The following MARCHF1 variants were observed in gnomAD, a reference collection of about 807,000 sequenced individuals.
The protein encoded by MARCHF1 is E3 ubiquitin-protein ligase MARCHF1.
Under a neutral mutation model 54.2 loss-of-function variants are expected in MARCHF1, and 40 were observed. The observed-to-expected ratio is 0.74, with a 90% CI of 0.57 to 0.96. MARCHF1 has a LOEUF of 0.96. MARCHF1 is among the 40% of genes least tolerant of loss of function. The pLI is 0.00. For missense variants in MARCHF1, 586 were observed against 656.5 expected, an observed-to-expected ratio of 0.89 and a Z score of 1.17; for synonymous variants, 236 against 236.3, an observed-to-expected ratio of 1.00 and a Z score of 0.01.
intron 8 of MARCHF1, among the ~76,000 whole-genome samples, chr4:163,574,954 A>G (rs1739986084): frequency 6.6e-6 from 1 of 151,834 alleles, no homozygotes; most frequent in South Asian, 2.1e-4. Context: ...TGAGCATGGA[A>G]TGTTCTTCCA....
chr4:164,180,508 T>C (rs1730805369), intron 1 of MARCHF1, among the ~76,000 whole-genome samples: 1 of 148,610 alleles, frequency 6.7e-6, no homozygotes, highest in African/African-American at 2.6e-5. Flanking sequence ...AGCTTGGTAA[T>C]GATAAAATAT....
At chr4:163,984,591 A>C (rs1752825627) in intron 3 of MARCHF1, among the ~76,000 whole-genome samples, 2 of 152,182 alleles carry the variant, frequency 1.3e-5, no homozygotes, top group Admixed American at 1.3e-4. Context: ...AGTATAAGGA[A>C]TATGTGCTAG....
chr4:163,892,702 C>T (rs1015686379), intron 3 of MARCHF1, among the ~76,000 whole-genome samples: 3 of 151,286 alleles, frequency 2.0e-5, no homozygotes, highest in African/African-American at 4.9e-5. Flanking sequence ...TTTATGTTTG[C>T]CATAAGGGAG....
intron 7 of MARCHF1, among the ~76,000 whole-genome samples, chr4:163,601,401 CTT>C (rs35012983): frequency 0.33 from 49,204 of 149,456 alleles, 8,563 homozygotes; most frequent in Middle Eastern, 0.41. Flanking sequence ...GAAAGTGTTG[CTT>C]TTTTTTTTTT....
intron 7 of MARCHF1, among the ~76,000 whole-genome samples, chr4:163,609,589 T>G (rs1741256205): frequency 6.6e-6 from 1 of 150,410 alleles, no homozygotes; most frequent in Admixed American, 6.7e-5. Context: ...AAGCCTATTT[T>G]ATTTAGAAAA....
chr4:163,593,045 T>G (rs1332028729), intron 7 of MARCHF1, among the ~76,000 whole-genome samples: 1 of 152,130 alleles, frequency 6.6e-6, no homozygotes, highest in Non-Finnish European at 1.5e-5. Context: ...TACTGCCCTC[T>G]CTATACTCAT....
intron 2 of MARCHF1, among the ~76,000 whole-genome samples, chr4:163,997,888 A>G (rs1330772299): frequency 6.6e-6 from 1 of 151,266 alleles, no homozygotes; most frequent in East Asian, 1.9e-4. Flanking sequence ...TTTCCATTAC[A>G]CATTTGTTAT....
intron 1 of MARCHF1, chr4:164,197,113 C>T (rs1251578691): frequency 1.2e-6 from 2 of 1,606,464 alleles, no homozygotes; most frequent in African/African-American, 1.3e-5. Context: ...GTCCCCTCCA[C>T]TCACGTCCTC....
At chr4:163,738,660 A>T (rs1257995709) in intron 4 of MARCHF1, among the ~76,000 whole-genome samples, 2 of 152,230 alleles carry the variant, frequency 1.3e-5, no homozygotes, top group African/African-American at 2.4e-5. Context: ...GGTGATTAAC[A>T]TGTTCCCAAA....
At chr4:163,635,028 A>G (rs1199648911) in intron 5 of MARCHF1, among the ~76,000 whole-genome samples, 1 of 77,174 alleles carries the variant, frequency 1.3e-5, no homozygotes, top group Non-Finnish European at 2.3e-5. Flanking sequence ...AGGCAGAAAT[A>G]AAGATGTTCT....
At chr4:164,025,368 A>C (rs2110977787) in intron 2 of MARCHF1, among the ~76,000 whole-genome samples, 1 of 152,226 alleles carries the variant, frequency 6.6e-6, no homozygotes, top group South Asian at 2.1e-4. Flanking sequence ...AATTCAAAAA[A>C]ACAAAATCAT....
intron 2 of MARCHF1, among the ~76,000 whole-genome samples, chr4:164,092,484 C>A (rs76215577): frequency 6.6e-6 from 1 of 152,008 alleles, no homozygotes; most frequent in East Asian, 1.9e-4. Flanking sequence ...TGAAGTTCAA[C>A]GGGATGTGAT....
intron 5 of MARCHF1, among the ~76,000 whole-genome samples, chr4:163,645,326 C>T (rs1742712442): frequency 1.3e-5 from 2 of 152,168 alleles, no homozygotes; most frequent in Admixed American, 1.3e-4. Flanking sequence ...CATACAACCG[C>T]AGTCCTAGAG....
At chr4:164,257,953 G>A (rs796949384) in intron 1 of MARCHF1, among the ~76,000 whole-genome samples, 9 of 152,142 alleles carry the variant, frequency 5.9e-5, no homozygotes, top group South Asian at 2.1e-4. Context: ...ACATGCACAC[G>A]TATGTTTATT....
At chr4:163,794,589 G>A (rs1747859515) in intron 4 of MARCHF1, among the ~76,000 whole-genome samples, 1 of 152,040 alleles carries the variant, frequency 6.6e-6, no homozygotes, top group Non-Finnish European at 1.5e-5. Context: ...TTGATGGTGG[G>A]GGGTCACAGG....
chr4:164,073,774 A>G (rs1754917846), intron 2 of MARCHF1, among the ~76,000 whole-genome samples: 1 of 152,030 alleles, frequency 6.6e-6, no homozygotes, highest in South Asian at 2.1e-4. Context: ...ACCCTATTTT[A>G]GAAAGTTTTT....
chr4:163,917,622 T>C (rs947691384), intron 3 of MARCHF1, among the ~76,000 whole-genome samples: 1 of 152,196 alleles, frequency 6.6e-6, no homozygotes, highest in Non-Finnish European at 1.5e-5. Context: ...TTCTTTTTTT[T>C]CTTCAACTTT....
Position 164,194,040 on chromosome 4 carries a change from G to A in MARCHF1, c.-322-82378C>T, listed in dbSNP as rs182001906. 1.6e-4 allele frequency among the ~76,000 whole-genome samples: 25 copies of A among 152,182 alleles called. No individual in the cohort carries two copies. In the East Asian group the frequency reaches 4.6e-3, roughly 28 times the overall value. ...AGAATGAACTCTCTCTCTCAAAAGT[G>A]GGTAATGTCAACCAGAATCATCACC... On this transcript the variant is annotated intron_variant, in intron 1 of 9. Transcript: ENST00000514618.
chr4:163,606,815 T>C (rs1741159324), intron 7 of MARCHF1, among the ~76,000 whole-genome samples: 1 of 152,084 alleles, frequency 6.6e-6, no homozygotes, highest in African/African-American at 2.4e-5. Flanking sequence ...TTAAATCCAG[T>C]CTTCCCATTC....
Sources: allele counts gnomAD v4.1 joint callset (sites outside exome capture counted in the v4.1 genomes callset), GRCh38; gene constraint gnomAD v4.1.1; transcripts MANE v1.5; gene names NCBI Gene and HGNC (gene_info 2026-07-23, HGNC 2026-07-21).